The following ACYP2 variants were observed in gnomAD, a reference collection of about 807,000 sequenced individuals.
ACYP2 encodes acylphosphatase 2, also known as acylphosphatase-2.
Under a neutral mutation model 11.2 loss-of-function variants are expected in ACYP2, and 12 were observed. That is an observed-to-expected ratio of 1.08 (90% confidence interval 0.69 to 1.74). ACYP2 has a LOEUF of 1.74. Among genes scored for constraint, ACYP2 ranks in the 40% most tolerant of loss-of-function variants. ACYP2 has a pLI of 0.00. For synonymous variants in ACYP2, 43 were observed against 32.2 expected (o/e 1.33, Z -1.13); for missense variants, 134 against 101.9 (o/e 1.31, Z -1.35).
intron 6 of ACYP2, among the ~76,000 whole-genome samples, chr2:54,283,986 C>G (rs1362382138): frequency 6.6e-6 from 1 of 152,156 alleles, no homozygotes; most frequent in Non-Finnish European, 1.5e-5. Flanking sequence ...ATCGTGGCAC[C>G]TGTAATCCCA....
At chr2:54,037,406 T>C (rs551416370) in intron 2 of ACYP2, among the ~76,000 whole-genome samples, 3 of 152,132 alleles carry the variant, frequency 2.0e-5, no homozygotes, top group African/African-American at 7.2e-5. Flanking sequence ...TAAGCCACCA[T>C]ACCAAGCTTG....
chr2:54,169,881 G>A (rs1347929697), intron 6 of ACYP2, among the ~76,000 whole-genome samples: 3 of 151,936 alleles, frequency 2.0e-5, no homozygotes, highest in Non-Finnish European at 4.4e-5. Context: ...ATTTTTTTGA[G>A]TATTCCTCCT....
chr2:54,212,956 T>A (rs1363662016), intron 6 of ACYP2, among the ~76,000 whole-genome samples: 1 of 152,094 alleles, frequency 6.6e-6, no homozygotes, highest in African/African-American at 2.4e-5. Context: ...CAACTTTTAT[T>A]TTAGGTTCAG....
At chr2:54,154,677 G>A (rs1465034106) in intron 6 of ACYP2, among the ~76,000 whole-genome samples, 1 of 152,052 alleles carries the variant, frequency 6.6e-6, no homozygotes, top group Non-Finnish European at 1.5e-5. Context: ...TGGCTTATTC[G>A]TATTTTGTTG....
chr2:54,111,913 T>C (rs1316300660), intron 4 of ACYP2, among the ~76,000 whole-genome samples: 2 of 152,214 alleles, frequency 1.3e-5, no homozygotes, highest in Non-Finnish European at 2.9e-5. Context: ...GTGATGAATT[T>C]GAGAGTTACA....
chr2:54,099,757 T>C (rs1678792698), intron 4 of ACYP2, among the ~76,000 whole-genome samples: 1 of 152,220 alleles, frequency 6.6e-6, no homozygotes. Context: ...TGCAGTGAAC[T>C]TGGGAATGCA....
At chr2:54,192,365 A>G (rs1378965132) in intron 6 of ACYP2, among the ~76,000 whole-genome samples, 4 of 152,114 alleles carry the variant, frequency 2.6e-5, no homozygotes, top group Non-Finnish European at 5.9e-5. Flanking sequence ...AAATGTCCCT[A>G]TTACACAGTA....
At chr2:53,993,121 G>A (rs1314318974) in intron 2 of ACYP2, among the ~76,000 whole-genome samples, 2 of 152,016 alleles carry the variant, frequency 1.3e-5, no homozygotes, top group African/African-American at 2.4e-5. Flanking sequence ...CACGAGAATC[G>A]CTTGAACCCA....
chr2:54,005,858 C>T (rs1673038159), intron 2 of ACYP2, among the ~76,000 whole-genome samples: 1 of 152,138 alleles, frequency 6.6e-6, no homozygotes, highest in South Asian at 2.1e-4. Flanking sequence ...TTAAAAATCA[C>T]CAAATAACTT....
intron 2 of ACYP2, among the ~76,000 whole-genome samples, chr2:54,047,306 G>A (rs1211626298): frequency 6.6e-6 from 1 of 152,176 alleles, no homozygotes; most frequent in Non-Finnish European, 1.5e-5. Context: ...ACACACTCAT[G>A]CATGGCATAT....
chr2:54,116,171 T>A (rs1041031229), intron 4 of ACYP2, among the ~76,000 whole-genome samples: 3 of 152,240 alleles, frequency 2.0e-5, no homozygotes, highest in Admixed American at 6.5e-5. Context: ...GGTTTAAGGT[T>A]AATTTTTCAG....
At chr2:54,097,872 C>CTCTT (rs1446818261) in intron 4 of ACYP2, among the ~76,000 whole-genome samples, 2 of 53,994 alleles carry the variant, frequency 3.7e-5, no homozygotes, top group East Asian at 2.7e-3. Flanking sequence ...CTTTCTCTTT[C>CTCTT]TCTCTCTCTC....
At chr2:54,153,839 A>T (rs112854087) in intron 6 of ACYP2, among the ~76,000 whole-genome samples, 5,706 of 152,090 alleles carry the variant, frequency 0.038, 127 homozygotes, top group African/African-American at 0.045. Context: ...TGACCTCGTG[A>T]TCTGCCTGCC....
chr2:53,972,526 G>C (rs1164660425), intron 1 of ACYP2, among the ~76,000 whole-genome samples: 3 of 152,078 alleles, frequency 2.0e-5, no homozygotes, highest in Non-Finnish European at 4.4e-5. Flanking sequence ...AGAATGGCGT[G>C]AATCCGGGAG....
At chr2:54,106,845 A>G (rs372543482) in intron 4 of ACYP2, among the ~76,000 whole-genome samples, 7 of 152,168 alleles carry the variant, frequency 4.6e-5, no homozygotes, top group African/African-American at 1.7e-4. Context: ...CGGCCTCCCA[A>G]AGTGTTGGGA....
At chr2:54,135,609 T>A (rs1432026055) in intron 5 of ACYP2, 140 bp downstream of exon 2, 56 of 601,432 alleles carry the variant, frequency 9.3e-5, no homozygotes, top group Non-Finnish European at 1.2e-4. Context: ...ATATATGTAT[T>A]TCTTTGAAAT....
intron 4 of ACYP2, among the ~76,000 whole-genome samples, chr2:54,100,082 C>T (rs1450665189): frequency 1.3e-5 from 2 of 152,152 alleles, no homozygotes; most frequent in African/African-American, 4.8e-5. Flanking sequence ...CCAGGTGTAT[C>T]ACATACTCTT....
chr2:54,071,608 G>T (rs1677046825), intron 4 of ACYP2, among the ~76,000 whole-genome samples: 1 of 152,100 alleles, frequency 6.6e-6, no homozygotes, highest in African/African-American at 2.4e-5. Flanking sequence ...TGAGACTACA[G>T]GTGTGCACCA....
At chr2:54,006,471 G>C (rs1345153452) in intron 2 of ACYP2, among the ~76,000 whole-genome samples, 2 of 151,900 alleles carry the variant, frequency 1.3e-5, no homozygotes, top group African/African-American at 4.8e-5. Context: ...TTTTTGTAGA[G>C]ATGGTGTCTT....
Sources: gnomAD v4.1 joint callset for allele counts (sites outside exome capture counted in the v4.1 genomes callset) on GRCh38, gnomAD v4.1.1 for gene constraint, MANE v1.5 for transcripts, NCBI Gene and HGNC (gene_info 2026-07-23, HGNC 2026-07-21) for gene names.